NRG3: variants seen among roughly 807,000 people sequenced by gnomAD.
NRG3 encodes the protein neuregulin 3.
NRG3 carries 31 observed loss-of-function variants against 66.9 expected under a neutral mutation model. The observed-to-expected ratio is 0.46, with a 90% confidence interval of 0.35 to 0.63. NRG3 has a LOEUF of 0.63. Ranked by LOEUF, NRG3 falls within the 20% of genes least tolerant of loss-of-function variation. The probability of loss-of-function intolerance (pLI) is 0.00; values close to 1 mark genes in which losing one functional copy is unlikely to be tolerated. For missense variants in NRG3, 910 were observed against 878.9 expected (o/e 1.04, Z -0.45); for synonymous variants, 393 against 359.4 (o/e 1.09, Z -1.06).
chr10:82,238,949 T>C (rs1012508482), intron 1 of NRG3, among the ~76,000 whole-genome samples: 4 of 147,902 alleles, frequency 2.7e-5, no homozygotes, highest in Admixed American at 6.8e-5. Flanking sequence ...AATATATACT[T>C]CTTGTGCCTA....
chr10:82,014,497 G>A (rs2061706315), intron 1 of NRG3, among the ~76,000 whole-genome samples: 1 of 152,156 alleles, frequency 6.6e-6, no homozygotes, highest in African/African-American at 2.4e-5. Context: ...GAGTTCTCAT[G>A]GGCTAGGCAT....
intron 8 of NRG3, among the ~76,000 whole-genome samples, chr10:82,981,221 A>T (rs1852855294): frequency 6.6e-6 from 1 of 151,926 alleles, no homozygotes; most frequent in South Asian, 2.1e-4. Context: ...CTCCTGGGAG[A>T]CTCACTTATT....
intron 4 of NRG3, among the ~76,000 whole-genome samples, chr10:82,935,281 G>A (rs1191864320): frequency 6.6e-6 from 1 of 152,104 alleles, no homozygotes; most frequent in Non-Finnish European, 1.5e-5. Flanking sequence ...GTTACTCAGA[G>A]GCATTTTATT....
intron 4 of NRG3, among the ~76,000 whole-genome samples, chr10:82,872,712 G>T (rs2135996891): frequency 6.6e-6 from 1 of 151,066 alleles, no homozygotes; most frequent in South Asian, 2.1e-4. Flanking sequence ...TCTAAAAAAA[G>T]TTTAGGCAAG....
At chr10:82,849,001 GTA>G (rs761135096) in intron 3 of NRG3, among the ~76,000 whole-genome samples, 78 of 152,226 alleles carry the variant, frequency 5.1e-4, no homozygotes, top group Non-Finnish European at 8.8e-4. Flanking sequence ...TTTATTAGCA[GTA>G]TGAGAATGGG....
chr10:82,408,046 C>CGAGAGA lies in NRG3; in HGVS notation c.953+49211_953+49216dup, dbSNP rs536927208. Among the ~76,000 whole-genome samples the CGAGAGA allele has an allele frequency of 8.3e-3, 453 of 54,362 alleles. 13 individuals are homozygous for CGAGAGA. The highest frequency in any genetic ancestry group is 0.013 in the African/African-American group (159 of 11,898). The allele number at this position is 54,362 out of a possible 152,430, so 35.7% of individuals were successfully genotyped here. A position where few individuals can be genotyped will look rare whatever the true frequency, so the allele number is the denominator to read the frequency against. On this transcript the variant is annotated intron_variant, in intron 2 of 8. Coordinates refer to ENST00000372141, the MANE Select transcript of NRG3 (RefSeq NM_001010848.4). ...CCTGTGTGACAGAGCAAGACTACAT[C>CGAGAGA]GAGAGAGAGAGAGAGAGAGAGAGAG...
intron 1 of NRG3, among the ~76,000 whole-genome samples, chr10:82,209,233 T>C (rs1016730020): frequency 5.3e-5 from 8 of 152,224 alleles, no homozygotes; most frequent in African/African-American, 1.7e-4. Flanking sequence ...ATGCTGCATA[T>C]AGCATGCTAC....
chr10:82,494,510 C>A (rs10400200), intron 2 of NRG3, among the ~76,000 whole-genome samples: 2 of 151,342 alleles, frequency 1.3e-5, no homozygotes, highest in Non-Finnish European at 2.9e-5. Flanking sequence ...TATGGATTTG[C>A]GTGAGAATTA....
chr10:82,590,110 T>C (rs991308074), intron 2 of NRG3, among the ~76,000 whole-genome samples: 5 of 152,190 alleles, frequency 3.3e-5, no homozygotes, highest in African/African-American at 9.7e-5. Flanking sequence ...TACCATCTGA[T>C]TGAATTTGAT....
At chr10:82,696,205 G>A (rs1238975720) in intron 2 of NRG3, among the ~76,000 whole-genome samples, 1 of 152,098 alleles carries the variant, frequency 6.6e-6, no homozygotes, top group Non-Finnish European at 1.5e-5. Context: ...TCCCAAGAAG[G>A]AAAACCAGGC....
intron 3 of NRG3, among the ~76,000 whole-genome samples, chr10:82,789,179 G>C (rs1456410389): frequency 6.6e-6 from 1 of 151,836 alleles, no homozygotes; most frequent in Non-Finnish European, 1.5e-5. Context: ...TGTTATTTTA[G>C]TCATTATAAT....
chr10:82,934,973 A>T (rs1447020508), intron 4 of NRG3, among the ~76,000 whole-genome samples: 1 of 152,114 alleles, frequency 6.6e-6, no homozygotes, highest in Admixed American at 6.6e-5. Context: ...TATTTATATA[A>T]ACACTTCATG....
chr10:82,870,239 G>A (rs922960306), intron 4 of NRG3, among the ~76,000 whole-genome samples: 3 of 152,048 alleles, frequency 2.0e-5, no homozygotes, highest in South Asian at 4.2e-4. Context: ...AATACCTTTT[G>A]TACTGGCTTA....
intron 2 of NRG3, among the ~76,000 whole-genome samples, chr10:82,578,161 A>G (rs1254969726): frequency 9.9e-5 from 15 of 151,412 alleles, no homozygotes; most frequent in Non-Finnish European, 1.5e-4. Flanking sequence ...TTTTAATAGT[A>G]TAAAAACAAA....
intron 1 of NRG3, among the ~76,000 whole-genome samples, chr10:81,978,218 A>G (rs934739618): frequency 6.6e-6 from 1 of 152,192 alleles, no homozygotes; most frequent in Admixed American, 6.5e-5. Context: ...ATCTGTATTA[A>G]GAAAATACGG....
chr10:82,676,130 G>A (rs1255439793), intron 2 of NRG3, among the ~76,000 whole-genome samples: 3 of 151,986 alleles, frequency 2.0e-5, no homozygotes, highest in South Asian at 2.1e-4. Context: ...TCATTGACAC[G>A]AGGCCAGCCA....
intron 3 of NRG3, among the ~76,000 whole-genome samples, chr10:82,782,857 G>A (rs4375385): frequency 0.42 from 64,123 of 151,982 alleles, 14,428 homozygotes; most frequent in African/African-American, 0.58. Context: ...AACTCATTTT[G>A]TGAGGCCAGC....
intron 1 of NRG3, among the ~76,000 whole-genome samples, chr10:81,887,915 A>G (rs747862407): frequency 2.0e-5 from 3 of 152,154 alleles, no homozygotes; most frequent in African/African-American, 4.8e-5. Context: ...TGGTTACATG[A>G]GTGAGTTCAC....
At chr10:81,969,177 C>T (rs978253717) in intron 1 of NRG3, among the ~76,000 whole-genome samples, 6 of 152,140 alleles carry the variant, frequency 3.9e-5, no homozygotes, top group African/African-American at 1.4e-4. Context: ...CAAAGTTTTC[C>T]TGTCTCCCCT....
Sources: allele counts gnomAD v4.1 joint callset (sites outside exome capture counted in the v4.1 genomes callset), GRCh38; gene constraint gnomAD v4.1.1; transcripts MANE v1.5; gene names NCBI Gene and HGNC (gene_info 2026-07-23, HGNC 2026-07-21).